SNW1: variants seen among roughly 807,000 people sequenced by gnomAD.
SNW1 encodes the protein SNW domain containing 1.
In SNW1, 9 loss-of-function variants were observed where a neutral mutation model predicts 75.6. That is an observed-to-expected ratio of 0.12 (90% CI 0.07 to 0.21). The LOEUF (loss-of-function observed/expected upper bound fraction) is 0.21, where lower values mean the gene tolerates loss of function less well. Ranked by LOEUF, SNW1 falls within the 10% of genes least tolerant of loss-of-function variation. The pLI is 1.00. For synonymous variants in SNW1, 200 were observed against 219.1 expected (o/e 0.91, Z 0.77); for missense variants, 409 against 670.9 (o/e 0.61, Z 4.31).
At chr14:77,749,500 C>G (rs1225172158) in intron 3 of SNW1, among the ~76,000 whole-genome samples, 1 of 152,202 alleles carries the variant, frequency 6.6e-6, no homozygotes, top group Non-Finnish European at 1.5e-5. Context: ...GCCAGGCAGC[C>G]TCATGCCTGT....
rs115540944 is a variant in SNW1 at position 77,751,532 on chromosome 14, A to G, written c.169-52T>C. The G allele has an allele frequency of 2.7e-3, 3,811 of 1,401,052 alleles. 92 individuals are homozygous for G. In the African/African-American group the frequency reaches 0.049, roughly 18 times the overall value. 86.8% of individuals were successfully genotyped at this position (1,401,052 alleles called of 1,614,324 possible). A position where few individuals can be genotyped will look rare whatever the true frequency, so the allele number is the denominator to read the frequency against. ...ATAGTTAATCATCATTTGACATTCA[A>G]GATATATTCATTCATTCAACAAGTA... On this transcript the variant is annotated intron_variant, in intron 2 of 13. Coordinates refer to ENST00000261531, the MANE Select transcript of SNW1 (RefSeq NM_012245.3).
chr14:77,739,006 T>G lies in SNW1; in HGVS notation c.386A>C (p.Asp129Ala), dbSNP rs1476286141. Reference protein sequence around the residue: ...LVPKEVMNADDPDLQRPDEEA... With the variant: ...LVPKEVMNADAPDLQRPDEEA... The stretch of plus-strand genomic sequence containing the variant: ...TTCATCGGGCCTTTGCAGGTCTGGA[T>G]CATCTGCATTCATAACCTCCTTTGG... Residue 129 changes from aspartate (D) to alanine (A), a missense_variant, in exon 4 of 14, where the codon GAT becomes GCT. Asp to Ala is a moderately radical substitution (Grantham distance 126). Around this residue, in one of 9 missense-constraint regions of SNW1, gnomAD observed 60 missense variants for 62.6 expected, o/e 0.96. Coordinates refer to ENST00000261531, the MANE Select transcript of SNW1 (RefSeq NM_012245.3). 6.2e-7 allele frequency: 1 copy of G among 1,614,140 alleles called. No homozygotes were observed. Among genetic ancestry groups the G allele is most frequent in the African/African-American group, 1.3e-5 (1 of 75,048 alleles).
At chr14:77,748,524 G>A (rs1234115670) in intron 3 of SNW1, among the ~76,000 whole-genome samples, 1 of 152,054 alleles carries the variant, frequency 6.6e-6, no homozygotes, top group Admixed American at 6.6e-5. Context: ...AGAAAAGCGG[G>A]CAGGACTATA....
At chr14:77,757,630 C>G (rs1435849860) in intron 1 of SNW1, among the ~76,000 whole-genome samples, 1 of 152,180 alleles carries the variant, frequency 6.6e-6, no homozygotes. Flanking sequence ...CTACATACCA[C>G]TACTACAACA....
intron 8 of SNW1, 82 bp downstream of exon 8, chr14:77,734,865 T>C: frequency 1.1e-6 from 1 of 907,650 alleles, no homozygotes; most frequent in Non-Finnish European, 1.7e-6. Flanking sequence ...TTGTTTCAAC[T>C]ACAGTTATGC....
intron 3 of SNW1, among the ~76,000 whole-genome samples, chr14:77,744,430 G>C (rs1181904088): frequency 1.9e-5 from 2 of 106,074 alleles, no homozygotes; most frequent in African/African-American, 7.4e-5. Context: ...CTGGGCAACA[G>C]AGCAAGTCTC....
intron 5 of SNW1, among the ~76,000 whole-genome samples, chr14:77,738,050 A>C (rs2080687900): frequency 1.3e-5 from 2 of 151,434 alleles, no homozygotes; most frequent in South Asian, 4.2e-4. Context: ...CACGCCTATA[A>C]TCCCAGCACT....
intron 2 of SNW1, among the ~76,000 whole-genome samples, chr14:77,752,475 A>C: frequency 6.6e-6 from 1 of 152,220 alleles, no homozygotes. Flanking sequence ...TACACTTTAA[A>C]CATGATTCAC....
At chr14:77,748,898 T>C (rs2080785516) in intron 3 of SNW1, among the ~76,000 whole-genome samples, 1 of 151,980 alleles carries the variant, frequency 6.6e-6, no homozygotes, top group African/African-American at 2.4e-5. Context: ...ATTTGTATAA[T>C]TTTTTTTAAA....
intron 12 of SNW1, among the ~76,000 whole-genome samples, chr14:77,719,313 TG>T: frequency 6.6e-6 from 1 of 152,298 alleles, no homozygotes; most frequent in Non-Finnish European, 1.5e-5. Flanking sequence ...TTTGCTCAGC[TG>T]GTAAGTTGCC....
chr14:77,738,427 A>G (rs767560301), intron 5 of SNW1, among the ~76,000 whole-genome samples: 1 of 152,080 alleles, frequency 6.6e-6, no homozygotes, highest in Non-Finnish European at 1.5e-5. Flanking sequence ...TGAGCATCAC[A>G]GCGAGACCCT....
intron 12 of SNW1, 103 bp downstream of exon 12, chr14:77,720,608 T>A: frequency 2.4e-6 from 2 of 839,996 alleles, no homozygotes; most frequent in Admixed American, 3.4e-5. Flanking sequence ...TTTTTTGTCA[T>A]CATGCTGGCA....
At chr14:77,721,317 C>A (rs1366243043) in intron 11 of SNW1, among the ~76,000 whole-genome samples, 2 of 152,156 alleles carry the variant, frequency 1.3e-5, no homozygotes, top group Non-Finnish European at 2.9e-5. Flanking sequence ...TGATTTTTGA[C>A]ATTCAGATTA....
At chr14:77,737,149 C>T (rs977010959) in intron 5 of SNW1, 74 bp from the exon 6 acceptor site, 19 of 1,051,624 alleles carry the variant, frequency 1.8e-5, no homozygotes, top group Non-Finnish European at 2.6e-5. Context: ...CTATTACAAT[C>T]TTAAGCTAGA....
At position 77,718,442 on chromosome 14, in the gene SNW1, C is replaced by T; in HGVS notation, c.1337G>A (p.Ser446Asn). ...AWRGGKDMAQ[S>N]IYRPSKNLDK... ...CAGATTTTTACTGGGCCTATAAATA[C>T]TCTGGGCCATATCTTTACCACCTCT... Residue 446 changes from serine (S) to asparagine (N), a missense_variant, in exon 13 of 14, where the codon AGT becomes AAT. Transcript: ENST00000261531. 4 of 1,613,840 alleles carry T rather than the reference C, an allele frequency of 2.5e-6. No homozygotes were observed. The highest frequency in any genetic ancestry group is 2.5e-6 in the Non-Finnish European group (3 of 1,179,764).
intron 1 of SNW1, 62 bp from the exon 2 acceptor site, chr14:77,755,182 G>GC: frequency 1.4e-6 from 2 of 1,441,830 alleles, no homozygotes; most frequent in Non-Finnish European, 1.9e-6. Flanking sequence ...TTTGACCACT[G>GC]CAACTTGGCC....
At chr14:77,746,844 G>A (rs1429959860) in intron 3 of SNW1, among the ~76,000 whole-genome samples, 1 of 151,920 alleles carries the variant, frequency 6.6e-6, no homozygotes, top group Non-Finnish European at 1.5e-5. Flanking sequence ...CATAAAATGA[G>A]GATATACATA....
rs144166212 is a variant in SNW1 at position 77,751,416 on chromosome 14, C to T, written c.233G>A (p.Arg78Gln). The part of the protein sequence containing the change: ...HVAQYPLDMG[R>Q]KKKMSNALAI... ...CAGCGCATTCGACATTTTTTTCTTT[C>T]GTCCCATATCCAGTGGATACTGGGC... Residue 78 changes from arginine to glutamine, a missense_variant, in exon 3 of 14, where the codon CGA (arginine) becomes CAA (glutamine). Physicochemically the swap from Arg to Gln is conservative, Grantham distance 43. Transcript: ENST00000261531. The T allele has an allele frequency of 6.9e-5, 112 of 1,613,722 alleles. No homozygotes were observed. The highest frequency in any genetic ancestry group is 8.6e-5 in the Non-Finnish European group (102 of 1,179,844).
rs1400677362 is a variant in SNW1 at position 77,718,353 on chromosome 14, G to T, written c.1412+14C>A. The T allele has an allele frequency of 2.5e-6, 4 of 1,614,194 alleles. No homozygotes were observed. The highest frequency in any genetic ancestry group is 2.5e-6 in the Non-Finnish European group (3 of 1,180,038). ...CCAGTGTAAACACTGAAATTGAGTT[G>T]TATGGCTTGGCACCTGTTGGTCTTT... On this transcript the variant is annotated intron_variant, in intron 13 of 13. Transcript: ENST00000261531.
Sources: gnomAD v4.1 joint callset for allele counts (sites outside exome capture counted in the v4.1 genomes callset) on GRCh38, gnomAD v4.1.1 for gene constraint, gnomAD v4.1.1 regional missense constraint, MANE v1.5 for transcripts, NCBI Gene and HGNC (gene_info 2026-07-23, HGNC 2026-07-21) for gene names.